ZBTB16: variants seen among roughly 807,000 people sequenced by gnomAD.
The protein encoded by ZBTB16 is zinc finger and BTB domain-containing protein 16.
Under a neutral mutation model 56.8 loss-of-function variants are expected in ZBTB16, and 8 were observed. That is an observed-to-expected ratio of 0.14 (90% CI 0.08 to 0.25). The LOEUF is 0.25. ZBTB16 is among the 10% of genes least tolerant of loss of function. ZBTB16 has a pLI of 1.00. For synonymous variants in ZBTB16, 363 were observed against 368.5 expected (o/e 0.98, Z 0.17); for missense variants, 625 against 903.0 (o/e 0.69, Z 3.95).
At position 114,187,036 on chromosome 11, in the gene ZBTB16, C is replaced by T. The variant is rs1484854591; in HGVS notation, c.1451C>T (p.Thr484Ile). ...DALETHRQTH[T>I]GTDMAVFCLL... ...CTGGAGACACACAGGCAGACCCATACTGGTGAGTTGACTTGGATTCCTGTT... is the reference window on the plus strand; with the variant it reads ...CTGGAGACACACAGGCAGACCCATATTGGTGAGTTGACTTGGATTCCTGTT... Residue 484 changes from threonine to isoleucine, a missense_variant and splice_region_variant, in exon 4 of 7, where the codon ACT (threonine) becomes ATT (isoleucine). By Grantham distance (89) the Thr-to-Ile change is moderately conservative. This residue lies in a region of ZBTB16 where 140 missense variants were observed against 214.8 expected (regional missense o/e 0.65). Transcript: ENST00000335953. 1 of 1,614,048 alleles carries T rather than the reference C, an allele frequency of 6.2e-7. No homozygotes were observed. Among genetic ancestry groups the T allele is most frequent in the Admixed American group, 1.7e-5 (1 of 60,024 alleles).
chr11:114,093,915 A>AT (rs1467059449), intron 2 of ZBTB16, among the ~76,000 whole-genome samples: 4 of 152,172 alleles, frequency 2.6e-5, no homozygotes, highest in Admixed American at 6.5e-5. Flanking sequence ...GTCAACGGAC[A>AT]TTTTTTCTTT....
At chr11:114,103,638 C>T (rs1482257145) in intron 2 of ZBTB16, among the ~76,000 whole-genome samples, 1 of 151,970 alleles carries the variant, frequency 6.6e-6, no homozygotes, top group African/African-American at 2.4e-5. Flanking sequence ...TGCTCCCCCA[C>T]CCTGTGTCAG....
intron 3 of ZBTB16, among the ~76,000 whole-genome samples, chr11:114,175,633 T>C (rs1316254188): frequency 6.6e-6 from 1 of 151,990 alleles, no homozygotes; most frequent in East Asian, 1.9e-4. Context: ...GAAGGAATTA[T>C]CAATATTGAG....
At chr11:114,121,345 G>A (rs943047797) in intron 2 of ZBTB16, among the ~76,000 whole-genome samples, 2 of 152,194 alleles carry the variant, frequency 1.3e-5, no homozygotes, top group African/African-American at 4.8e-5. Flanking sequence ...ACGCAAGTGT[G>A]GAAGCGCTAG....
chr11:114,210,192 T>TGTGTGTGTGTGTGTGC lies in ZBTB16; in HGVS notation c.1453+23155_1453+23156insTGTGTGTGTGTGTGCG, dbSNP rs773801156. The stretch of plus-strand genomic sequence containing the variant: ...GTGTGTGTGTGTGTGTGTGTGTGTG[T>TGTGTGTGTGTGTGTGC]GCGTGCGCGCGCGTGCACAGTTTGT... On this transcript the variant is annotated intron_variant, in intron 4 of 6. Transcript: ENST00000335953. 2.7e-3 allele frequency among the ~76,000 whole-genome samples: 384 copies of TGTGTGTGTGTGTGTGC among 143,328 alleles called. 3 individuals are homozygous for TGTGTGTGTGTGTGTGC. Among genetic ancestry groups the TGTGTGTGTGTGTGTGC allele is most frequent in the African/African-American group, 8.7e-3 (342 of 39,478 alleles). The allele number at this position is 143,328 out of a possible 152,430, so 94.0% of individuals were successfully genotyped here.
chr11:114,159,934 A>AGGT (rs1565658191), intron 3 of ZBTB16, among the ~76,000 whole-genome samples: 1 of 50,628 alleles, frequency 2.0e-5, no homozygotes, highest in Non-Finnish European at 3.4e-5. Flanking sequence ...TGGGCGGGGG[A>AGGT]GGCGGGGGGG....
chr11:114,063,762 G>T lies in ZBTB16; in HGVS notation c.462G>T (p.Lys154Asn). 6.2e-7 allele frequency: 1 copy of T among 1,614,042 alleles called. No homozygotes were observed. ...EEEDRKARYL[K>N]NIFISKHSSE... The stretch of plus-strand genomic sequence containing the variant: ...AGGACCGCAAGGCTCGGTACCTCAA[G>T]AACATCTTCATCTCGAAGCATTCCA... The change falls in exon 2 of 7, where the codon AAG (lysine) becomes AAT (asparagine). Residue 154 changes from lysine (K) to asparagine (N), a missense_variant. Around this residue, in one of 6 missense-constraint regions of ZBTB16, gnomAD observed 384 missense variants for 393.5 expected, o/e 0.98. Transcript: ENST00000335953. This position sits in a 1 kb window ranked among gnomAD's most constrained non-coding sequence, Gnocchi z 6.5.
intron 2 of ZBTB16, among the ~76,000 whole-genome samples, chr11:114,145,673 CG>C (rs1942080102): frequency 6.6e-6 from 1 of 152,114 alleles, no homozygotes; most frequent in Non-Finnish European, 1.5e-5. Context: ...CTAATGAGTA[CG>C]AGGTTTCTTT....
intron 2 of ZBTB16, among the ~76,000 whole-genome samples, chr11:114,100,068 T>A (rs145863124): frequency 1.6e-3 from 238 of 152,346 alleles, no homozygotes; most frequent in Admixed American, 0.013. Flanking sequence ...CTTGAGTTGG[T>A]GCCCTGCACT....
At chr11:114,167,685 C>T (rs1942826986) in intron 3 of ZBTB16, among the ~76,000 whole-genome samples, 1 of 152,138 alleles carries the variant, frequency 6.6e-6, no homozygotes, top group Non-Finnish European at 1.5e-5. Context: ...CCTCCTTCCT[C>T]TGAGCCTGCA....
intron 3 of ZBTB16, among the ~76,000 whole-genome samples, chr11:114,171,606 G>C (rs1306341762): frequency 6.6e-6 from 1 of 152,176 alleles, no homozygotes; most frequent in South Asian, 2.1e-4. Context: ...TCATTGTCAC[G>C]GGAGTACTCC....
chr11:114,242,080 C>G, intron 4 of ZBTB16, 87 bp from the exon 5 acceptor site: 1 of 1,547,644 alleles, frequency 6.5e-7, no homozygotes, highest in Non-Finnish European at 8.8e-7. Context: ...AGGTGTGAGT[C>G]CCGACACTGG....
At chr11:114,240,383 A>G (rs1487627839) in intron 4 of ZBTB16, among the ~76,000 whole-genome samples, 2 of 151,876 alleles carry the variant, frequency 1.3e-5, no homozygotes, top group East Asian at 1.9e-4. Context: ...TCTTCCCCCT[A>G]CCTTCCACCA....
At chr11:114,083,790 C>T (rs893655250) in intron 2 of ZBTB16, among the ~76,000 whole-genome samples, 7 of 151,964 alleles carry the variant, frequency 4.6e-5, no homozygotes, top group Non-Finnish European at 8.8e-5. Flanking sequence ...TTCTTGATGC[C>T]GCCCCCCCGC....
At chr11:114,083,033 C>T (rs993308924) in intron 2 of ZBTB16, among the ~76,000 whole-genome samples, 10 of 152,300 alleles carry the variant, frequency 6.6e-5, no homozygotes, top group Admixed American at 3.3e-4. Context: ...CCGAGTGGCT[C>T]CTGGCCCCTG....
At chr11:114,225,679 G>T (rs2135160095) in intron 4 of ZBTB16, among the ~76,000 whole-genome samples, 1 of 152,280 alleles carries the variant, frequency 6.6e-6, no homozygotes, top group Non-Finnish European at 1.5e-5. Flanking sequence ...CAACACTGCT[G>T]CATTAAGATC....
At chr11:114,232,207 C>A (rs371877792) in intron 4 of ZBTB16, among the ~76,000 whole-genome samples, 132 of 152,248 alleles carry the variant, frequency 8.7e-4, no homozygotes, top group African/African-American at 2.9e-3. Flanking sequence ...GCTCATGCAA[C>A]CTTGCAGAGG....
chr11:114,079,749 G>A (rs1454313144), intron 2 of ZBTB16, among the ~76,000 whole-genome samples: 2 of 152,190 alleles, frequency 1.3e-5, no homozygotes, highest in Non-Finnish European at 2.9e-5. Flanking sequence ...TTCTGGAAGG[G>A]GTGTGTGGGG....
intron 3 of ZBTB16, among the ~76,000 whole-genome samples, chr11:114,172,206 C>G (rs1942987731): frequency 6.6e-6 from 1 of 152,208 alleles, no homozygotes; most frequent in Admixed American, 6.5e-5. Context: ...ACACAGCTGG[C>G]CATGGTTAGC....
Sources: gnomAD v4.1 joint callset for allele counts (sites outside exome capture counted in the v4.1 genomes callset) on GRCh38, gnomAD v4.1.1 for gene constraint, gnomAD v4.1.1 regional missense constraint, Gnocchi (gnomAD v3.1) non-coding constraint, MANE v1.5 for transcripts, NCBI Gene and HGNC (gene_info 2026-07-23, HGNC 2026-07-21) for gene names.